The following CUBN variants were observed in gnomAD, a reference collection of about 807,000 sequenced individuals.
The protein encoded by CUBN is 460 kDa receptor.
A neutral mutation model predicts 405.3 loss-of-function variants in CUBN; 282 were observed. The observed-to-expected ratio is 0.70, with a 90% confidence interval of 0.63 to 0.77. The LOEUF is 0.77. CUBN is among the 30% of genes least tolerant of loss of function. The pLI is 0.00. For synonymous variants in CUBN, 1,684 were observed against 1,617.0 expected (o/e 1.04, Z -0.99); for missense variants, 4,514 against 4,475.2 (o/e 1.01, Z -0.25).
At chr10:16,893,865 C>A (rs533157530) in intron 54 of CUBN, among the ~76,000 whole-genome samples, 2 of 152,240 alleles carry the variant, frequency 1.3e-5, no homozygotes, top group Admixed American at 6.5e-5. Context: ...TTTCATTTCT[C>A]TCGGATAAAT....
chr10:16,898,988 G>A lies in CUBN; in HGVS notation c.8598+8C>T. Reference sequence around the variant, plus strand: ...CTTGGCTCCAATTAAATGAACAAGTGTACTAACCTTCACGAAGCTATTCTG... The same window carrying A: ...CTTGGCTCCAATTAAATGAACAAGTATACTAACCTTCACGAAGCTATTCTG... On this transcript the variant is annotated splice_region_variant and intron_variant, in intron 54 of 66. Coordinates refer to ENST00000377833, the MANE Select transcript of CUBN (RefSeq NM_001081.4). 6.3e-7 allele frequency: 1 copy of A among 1,591,426 alleles called. No homozygotes were observed. The highest frequency in any genetic ancestry group is 2.2e-5 in the East Asian group (1 of 44,764).
At chr10:17,058,839 A>G (rs1013719116) in intron 22 of CUBN, among the ~76,000 whole-genome samples, 1 of 152,118 alleles carries the variant, frequency 6.6e-6, no homozygotes, top group Non-Finnish European at 1.5e-5. Context: ...AAGGATATTT[A>G]TGTGTTGGCA....
intron 64 of CUBN, among the ~76,000 whole-genome samples, chr10:16,833,701 G>T (rs1381890157): frequency 6.6e-6 from 1 of 152,210 alleles, no homozygotes; most frequent in African/African-American, 2.4e-5. Flanking sequence ...AAGATGTTTT[G>T]TTGGGAACAA....
chr10:16,977,209 C>A lies in CUBN; in HGVS notation c.4695+5275G>T, dbSNP rs143268167. Among the ~76,000 whole-genome samples, 191 of 152,304 alleles carry A rather than the reference C, an allele frequency of 1.3e-3. 1 individual carries two copies. Among genetic ancestry groups the A allele is most frequent in the African/African-American group, 4.4e-3 (184 of 41,564 alleles). On this transcript the variant is annotated intron_variant, in intron 31 of 66. Coordinates refer to ENST00000377833, the MANE Select transcript of CUBN (RefSeq NM_001081.4). The stretch of plus-strand genomic sequence containing the variant: ...GGGCAGTTCCCCAGCAAAGGCCCCA[C>A]TCTCAAGCCTGGAAACCCATGGCCC...
intron 28 of CUBN, among the ~76,000 whole-genome samples, chr10:17,005,373 C>T (rs1261148618): frequency 1.3e-5 from 2 of 152,058 alleles, no homozygotes; most frequent in Admixed American, 1.3e-4. Flanking sequence ...TATCTTTATG[C>T]TTTATACATT....
At chr10:17,124,440 T>C (rs1837121436) in intron 4 of CUBN, among the ~76,000 whole-genome samples, 1 of 152,116 alleles carries the variant, frequency 6.6e-6, no homozygotes, top group Non-Finnish European at 1.5e-5. Flanking sequence ...TTTTTTTTCT[T>C]TTTTTTGAGA....
chr10:17,041,371 C>G, intron 26 of CUBN, 151 bp from the exon 27 acceptor site: 1 of 632,526 alleles, frequency 1.6e-6, no homozygotes, highest in Non-Finnish European at 2.8e-6. Context: ...TATATATACA[C>G]ACACAGAGAC....
At chr10:17,113,504 T>C (rs1836816690) in intron 8 of CUBN, among the ~76,000 whole-genome samples, 1 of 152,158 alleles carries the variant, frequency 6.6e-6, no homozygotes, top group Non-Finnish European at 1.5e-5. Flanking sequence ...CAGGCAGTCT[T>C]TGACTAACGG....
intron 36 of CUBN, among the ~76,000 whole-genome samples, 195 bp from the exon 37 acceptor site, chr10:16,940,432 G>A (rs1421985243): frequency 2.0e-5 from 3 of 152,126 alleles, no homozygotes; most frequent in East Asian, 1.9e-4. Flanking sequence ...CTACAAAGAC[G>A]ACGAATACAC....
intron 7 of CUBN, among the ~76,000 whole-genome samples, chr10:17,114,933 T>A (rs1322342592): frequency 6.6e-6 from 1 of 152,184 alleles, no homozygotes; most frequent in African/African-American, 2.4e-5. Context: ...GAGAGAGTCA[T>A]GACGGGATAA....
rs1432987972 is a variant in CUBN, at chr10:16,828,440, G to A, written c.10764+365C>T. On this transcript the variant is annotated intron_variant, in intron 66 of 66. Coordinates refer to ENST00000377833, the MANE Select transcript of CUBN (RefSeq NM_001081.4). ...TGCCTTTGAAAGTCTACACTAGGCC[G>A]GGCCCAGTGGCTCACGCGTGTAATC... Among the ~76,000 whole-genome samples, 8 of 152,260 alleles carry A rather than the reference G, an allele frequency of 5.3e-5. No homozygotes were observed. The South Asian group carries it at 1.5e-3, about 28-fold the overall frequency.
intron 14 of CUBN, among the ~76,000 whole-genome samples, chr10:17,090,141 T>C (rs1027295141): frequency 6.6e-6 from 1 of 152,048 alleles, no homozygotes; most frequent in African/African-American, 2.4e-5. Flanking sequence ...ACAAGCCAAA[T>C]GTCCGTCAAT....
intron 28 of CUBN, among the ~76,000 whole-genome samples, chr10:17,016,594 C>T (rs1449758743): frequency 6.6e-6 from 1 of 152,178 alleles, no homozygotes; most frequent in Non-Finnish European, 1.5e-5. Flanking sequence ...CTGCGTTGAT[C>T]TGCTTTAAAT....
Position 16,906,300 on chromosome 10 carries a change from A to G in CUBN, c.7815T>C (p.Asn2605=), listed in dbSNP as rs1387674011. 6.2e-7 allele frequency: 1 copy of G among 1,613,738 alleles called. No individual in the cohort carries two copies. The highest frequency in any genetic ancestry group is 8.5e-7 in the Non-Finnish European group (1 of 1,179,732). ...RNLNCEWTLS[N]PNQGNSSISI... is the part of the protein sequence containing the mutation. The stretch of plus-strand genomic sequence containing the variant: ...AAATGGATGAATTTCCCTGATTTGG[A>G]TTGCTGAGAGTCCATTCGCAGTTCA... Residue 2605 remains asparagine (N), a synonymous_variant, in exon 50 of 67, where the codon AAT becomes AAC. Coordinates refer to ENST00000377833, the MANE Select transcript of CUBN (RefSeq NM_001081.4).
intron 36 of CUBN, among the ~76,000 whole-genome samples, chr10:16,944,848 A>G (rs556014571): frequency 1.4e-4 from 21 of 152,324 alleles, no homozygotes; most frequent in African/African-American, 4.8e-4. Context: ...GCCCGTTTGG[A>G]TTTATTTGTG....
At chr10:16,844,475 C>T (rs559405834) in intron 60 of CUBN, among the ~76,000 whole-genome samples, 2 of 152,170 alleles carry the variant, frequency 1.3e-5, no homozygotes, top group East Asian at 3.9e-4. Flanking sequence ...CCATACATTT[C>T]ATCCAAGGAG....
At position 16,901,330 on chromosome 10, in the gene CUBN, G is replaced by A; in HGVS notation, c.8184+8C>T. 6.2e-7 allele frequency: 1 copy of A among 1,614,108 alleles called. No homozygotes were observed. The highest frequency in any genetic ancestry group is 8.5e-7 in the Non-Finnish European group (1 of 1,179,956). ...TCAGAAGCATTTCACCCAGTCATTAGCACTCACAGTGATGGTGTGCCCTTG... is the reference window on the plus strand; with the variant it reads ...TCAGAAGCATTTCACCCAGTCATTAACACTCACAGTGATGGTGTGCCCTTG... On this transcript the variant is annotated splice_region_variant and intron_variant, in intron 52 of 66. Transcript: ENST00000377833.
intron 8 of CUBN, among the ~76,000 whole-genome samples, chr10:17,112,166 AC>A (rs1836786273): frequency 6.6e-6 from 1 of 152,142 alleles, no homozygotes; most frequent in African/African-American, 2.4e-5. Context: ...ATTCTTAAAA[AC>A]CTTTAAAGAT....
chr10:17,044,548 A>T (rs1835081563), intron 25 of CUBN, among the ~76,000 whole-genome samples: 1 of 151,934 alleles, frequency 6.6e-6, no homozygotes, highest in African/African-American at 2.4e-5. Flanking sequence ...TTGTTTTTTG[A>T]TTCCATAGTT....
Sources: gnomAD v4.1 joint callset for allele counts (sites outside exome capture counted in the v4.1 genomes callset) on GRCh38, gnomAD v4.1.1 for gene constraint, MANE v1.5 for transcripts, NCBI Gene and HGNC (gene_info 2026-07-23, HGNC 2026-07-21) for gene names.